Variants in CDK5RAP3 observed in about 807,000 individuals in gnomAD.
The protein encoded by CDK5RAP3 is CDK5 regulatory subunit associated protein 3, also known as CDK5 regulatory subunit-associated protein 3.
Under a neutral mutation model 73.3 loss-of-function variants are expected in CDK5RAP3, and 58 were observed. The ratio of observed to expected loss-of-function variants is 0.79; its 90% CI spans 0.64 to 0.98. The LOEUF (loss-of-function observed/expected upper bound fraction) is 0.98. Among genes scored for constraint, CDK5RAP3 ranks in the 50% least tolerant of loss-of-function variants. The probability of loss-of-function intolerance (pLI) is 0.00; values close to 1 mark genes in which losing one functional copy is unlikely to be tolerated. For synonymous variants in CDK5RAP3, 224 were observed against 247.5 expected (o/e 0.91, Z 0.89); for missense variants, 525 against 615.8 (o/e 0.85, Z 1.56).
chr17:47,975,973 C>T lies in CDK5RAP3; in HGVS notation c.758C>T (p.Pro253Leu), dbSNP rs1050645462. Reference protein sequence around the residue: ...TGTEPSVVERPHLEELPEQVA... With the variant: ...TGTEPSVVERLHLEELPEQVA... ...ACAGAGCCCTCTGTGGTGGAACGACCCCACCTCGAGGAGCTTCCTGAGCAG... is the reference window on the plus strand; with the variant it reads ...ACAGAGCCCTCTGTGGTGGAACGACTCCACCTCGAGGAGCTTCCTGAGCAG... The change falls in exon 8 of 14, where the codon CCC becomes CTC. Residue 253 changes from proline to leucine, a missense_variant. Pro to Leu is a moderately conservative substitution (Grantham distance 98). This residue lies in a region of CDK5RAP3 where 409 missense variants were observed against 429.8 expected (regional missense o/e 0.95). Transcript: ENST00000338399. The T allele has an allele frequency of 1.2e-6, 2 of 1,614,116 alleles. No individual in the cohort carries two copies. The highest frequency in any genetic ancestry group is 1.7e-6 in the Non-Finnish European group (2 of 1,180,032).
chr17:47,975,565 C>T lies in CDK5RAP3; in HGVS notation c.565C>T (p.Gln189Ter), dbSNP rs958306121. Reference sequence around the variant, plus strand: ...GGCCCTGGTGAAGGACCTGCCGAGTCAGCTGGCTGAGATTGGGGCAGCGGC... The same window carrying T: ...GGCCCTGGTGAAGGACCTGCCGAGTTAGCTGGCTGAGATTGGGGCAGCGGC... ...LLALVKDLPS[Q>*]LAEIGAAAQQ... Residue 189 changes from glutamine to a stop codon, truncating the protein, a stop_gained, in exon 7 of 14, where the codon CAG (glutamine) becomes TAG (stop). Coordinates refer to ENST00000338399, the MANE Select transcript of CDK5RAP3 (RefSeq NM_176096.3). LOFTEE classifies it high-confidence loss of function. The T allele has an allele frequency of 6.2e-7, 1 of 1,611,086 alleles. No homozygotes were observed. The highest frequency in any genetic ancestry group is 8.5e-7 in the Non-Finnish European group (1 of 1,180,018).
rs770664403 is a variant in CDK5RAP3, at chr17:47,974,532, C to T, written c.334+84C>T. ...TGAGATACCAGGCTTATAGGAGGCA[C>T]AGTCTGTGAGTGGGAAGAGACTGGA... On this transcript the variant is annotated intron_variant, in intron 5 of 13. Transcript: ENST00000338399. 4 of 1,608,462 alleles carry T rather than the reference C, an allele frequency of 2.5e-6. No individual in the cohort carries two copies. In the East Asian group the frequency reaches 8.9e-5, roughly 36 times the overall value.
In CDK5RAP3 at chr17:47,973,973, A is replaced by G. The variant is rs150789447; in HGVS notation, c.227A>G (p.Lys76Arg). Residue 76 changes from lysine to arginine, a missense_variant, in exon 4 of 14, where the codon AAA becomes AGA. This residue lies in a region of CDK5RAP3 where 409 missense variants were observed against 429.8 expected (regional missense o/e 0.95). Transcript: ENST00000338399. ...FHCLRILDLLKGTEASTKNIF... is the reference protein window; with the variant it reads ...FHCLRILDLLRGTEASTKNIF... Reference sequence around the variant, plus strand: ...TGCCTAAGAATCCTGGACCTTCTCAAAGGCACAGAGGCCTCCACGAAGAAT... The same window carrying G: ...TGCCTAAGAATCCTGGACCTTCTCAGAGGCACAGAGGCCTCCACGAAGAAT... 158 of 1,614,138 alleles carry G rather than the reference A, an allele frequency of 9.8e-5. No homozygotes were observed. The East Asian group carries it at 3.5e-3, about 36-fold the overall frequency.
chr17:47,971,186 G>T, intron 1 of CDK5RAP3, 34 bp downstream of exon 1: 1 of 1,538,334 alleles, frequency 6.5e-7, no homozygotes, highest in Non-Finnish European at 8.8e-7. Context: ...GCTGGGGACT[G>T]GCCGCGGACC....
Position 47,974,003 on chromosome 17 carries a change from T to C in CDK5RAP3, c.257T>C (p.Phe86Ser). The change falls in exon 4 of 14, where the codon TTT becomes TCT. Residue 86 changes from phenylalanine to serine, a missense_variant. Phe to Ser is a radical substitution (Grantham distance 155). Transcript: ENST00000338399. ...KGTEASTKNI[F>S]GRYSSQRMKD... Reference sequence around the variant, plus strand: ...ACAGAGGCCTCCACGAAGAATATTTTTGGCCGATACTCTTCACAGCGGATG... The same window carrying C: ...ACAGAGGCCTCCACGAAGAATATTTCTGGCCGATACTCTTCACAGCGGATG... 7 of 1,614,076 alleles carry C rather than the reference T, an allele frequency of 4.3e-6. No homozygotes were observed. Among genetic ancestry groups the C allele is most frequent in the Non-Finnish European group, 5.9e-6 (7 of 1,179,890 alleles).
At chr17:47,970,372 T>A (rs924528146), upstream of CDK5RAP3, among the ~76,000 whole-genome samples, 1 of 152,176 alleles carries the variant, frequency 6.6e-6, no homozygotes, top group African/African-American at 2.4e-5. Context: ...CATTTCCATT[T>A]TGCACTGGAC....
rs758183423 is a variant in CDK5RAP3 at position 47,973,518 on chromosome 17, G to A, written c.53-1G>A. Reference sequence around the variant, plus strand: ...CTCTAATTTGGGTGCTTCTCATGTAGATTGGCTGGTGGACAGAAGGCACTG... The same window carrying A: ...CTCTAATTTGGGTGCTTCTCATGTAAATTGGCTGGTGGACAGAAGGCACTG... On this transcript the variant is annotated splice_acceptor_variant, in intron 2 of 13. Transcript: ENST00000338399. LOFTEE classifies it high-confidence loss of function. The A allele has an allele frequency of 1.9e-6, 3 of 1,613,832 alleles. No homozygotes were observed. The South Asian group carries it at 3.3e-5, about 18-fold the overall frequency.
chr17:47,973,544 C>T lies in CDK5RAP3; in HGVS notation c.78C>T (p.Cys26=). 6.2e-7 allele frequency: 1 copy of T among 1,614,126 alleles called. No individual in the cohort carries two copies. Among genetic ancestry groups the T allele is most frequent in the Non-Finnish European group, 8.5e-7 (1 of 1,179,990 alleles). ...LLDWLVDRRH[C]SLKWQSLVLT... is the part of the protein sequence containing the mutation. ...ATTGGCTGGTGGACAGAAGGCACTG[C>T]AGCCTGAAATGGCAGAGTCTGGTGC... The change falls in exon 3 of 14, where the codon TGC becomes TGT. Residue 26 remains cysteine (C), a synonymous_variant. Transcript: ENST00000338399.
At position 47,981,692 on chromosome 17, in the gene CDK5RAP3, G is replaced by A; in HGVS notation, c.*190G>A. ...TCTCTACAAGAAGCTGTGGTGATTGGCCCTGTGGTCTATCAGGCGAAAACC... is the reference window on the plus strand; with the variant it reads ...TCTCTACAAGAAGCTGTGGTGATTGACCCTGTGGTCTATCAGGCGAAAACC... On this transcript the variant is annotated 3_prime_UTR_variant, in exon 14 of 14. Transcript: ENST00000338399. 6.5e-7 allele frequency: 1 copy of A among 1,535,404 alleles called. No homozygotes were observed. The highest frequency in any genetic ancestry group is 2.5e-5 in the East Asian group (1 of 40,780).
Position 47,981,298 on chromosome 17 carries a change from C to T in CDK5RAP3, c.1419C>T (p.Asp473=). 3.1e-6 allele frequency: 5 copies of T among 1,614,190 alleles called. No individual in the cohort carries two copies. The highest frequency in any genetic ancestry group is 4.2e-6 in the Non-Finnish European group (5 of 1,180,014). The part of the protein sequence containing the change: ...EEQAALEPKL[D]LLLEKTKELQ... ...AGGCGGCTCTGGAGCCTAAGCTGGA[C>T]CTGCTACTGGAGAAGACCAAGGAGC... The change falls in exon 13 of 14, where the codon GAC becomes GAT. Residue 473 remains aspartate, a synonymous_variant. Transcript: ENST00000338399.
At position 47,980,645 on chromosome 17, in the gene CDK5RAP3, T is replaced by C; in HGVS notation, c.1130T>C (p.Val377Ala). Residue 377 changes from valine to alanine, a missense_variant, in exon 12 of 14, where the codon GTC becomes GCC. By Grantham distance (64) the Val-to-Ala change is moderately conservative (BLOSUM62 0). Transcript: ENST00000338399. ...RAVELSEEAD[V>A]LSVSQFQLAP... is the part of the protein sequence containing the mutation. ...GTGGAGTTGAGTGAGGAGGCAGATG[T>C]CCTGTCTGTGAGCCAGTTCCAGCTG... 1 of 1,613,950 alleles carries C rather than the reference T, an allele frequency of 6.2e-7. No homozygotes were observed. Among genetic ancestry groups the C allele is most frequent in the Non-Finnish European group, 8.5e-7 (1 of 1,180,026 alleles).
At chr17:47,968,529 T>C (rs1258417700), upstream of CDK5RAP3, among the ~76,000 whole-genome samples, 4 of 143,072 alleles carry the variant, frequency 2.8e-5, no homozygotes, top group East Asian at 8.3e-4. Flanking sequence ...TGTTTTGTTT[T>C]GTTTTTGAGA....
At chr17:47,975,042 G>A (rs758414606) in intron 5 of CDK5RAP3, 117 bp from the exon 6 acceptor site, 1 of 1,605,224 alleles carries the variant, frequency 6.2e-7, no homozygotes, top group East Asian at 2.2e-5. Context: ...CTGGGAACAA[G>A]TGGGGCTGGG....
rs1019098045 is a variant in CDK5RAP3, at chr17:47,974,982, C to T, written c.335-177C>T. On this transcript the variant is annotated intron_variant, in intron 5 of 13. Coordinates refer to ENST00000338399, the MANE Select transcript of CDK5RAP3 (RefSeq NM_176096.3). ...ATAAATGTTATTGTCGCTGTTTTAC[C>T]GATGAGGGTTGGATTAGAGGGGTTA... 1.8e-5 allele frequency: 27 copies of T among 1,481,130 alleles called. 1 individual carries two copies. The highest frequency in any genetic ancestry group is 1.8e-4 in the Middle Eastern group (1 of 5,642). The allele number at this position is 1,481,130 out of a possible 1,614,324, so 91.7% of individuals were successfully genotyped here.
At chr17:47,972,209 G>A (rs1003685668) in intron 2 of CDK5RAP3, among the ~76,000 whole-genome samples, 3 of 152,110 alleles carry the variant, frequency 2.0e-5, no homozygotes, top group Non-Finnish European at 4.4e-5. Flanking sequence ...CCATCTCCAG[G>A]TTGTCTGTAT....
chr17:47,981,352 G>A lies in CDK5RAP3; in HGVS notation c.1455+18G>A. 1 of 1,613,860 alleles carries A rather than the reference G, an allele frequency of 6.2e-7. No individual in the cohort carries two copies. Among genetic ancestry groups the A allele is most frequent in the Non-Finnish European group, 8.5e-7 (1 of 1,179,722 alleles). The stretch of plus-strand genomic sequence containing the variant: ...AGAAGCTGGTGAGATGGGAAAGGGA[G>A]GCCTGCCAGTGGGAGGACTCCCAGT... On this transcript the variant is annotated intron_variant, in intron 13 of 13. Coordinates refer to ENST00000338399, the MANE Select transcript of CDK5RAP3 (RefSeq NM_176096.3).
Position 47,976,023 on chromosome 17 carries a change from G to T in CDK5RAP3, c.798+10G>T. ...GGTGGCAGAAGATGCGGTAAGATGG[G>T]CCTTGTGATGAGCTGTAGGAGTGGA... On this transcript the variant is annotated intron_variant, in intron 8 of 13. Coordinates refer to ENST00000338399, the MANE Select transcript of CDK5RAP3 (RefSeq NM_176096.3). 6.2e-7 allele frequency: 1 copy of T among 1,613,320 alleles called. No individual in the cohort carries two copies. The highest frequency in any genetic ancestry group is 1.1e-5 in the South Asian group (1 of 91,054).
In CDK5RAP3 at chr17:47,975,309, A is replaced by G; in HGVS notation, c.485A>G (p.Tyr162Cys). ...AGAAEMREQFYHSCKQYGITG... is the reference protein window; with the variant it reads ...AGAAEMREQFCHSCKQYGITG... ...GCTGCCGAGATGCGGGAGCAGTTCT[A>G]CCACTCCTGCAAGCAGTATGGCATC... Residue 162 changes from tyrosine to cysteine, a missense_variant, in exon 6 of 14, where the codon TAC becomes TGC. Physicochemically the swap from Tyr to Cys is radical, Grantham distance 194 (BLOSUM62 -2). Coordinates refer to ENST00000338399, the MANE Select transcript of CDK5RAP3 (RefSeq NM_176096.3). 1 of 1,614,110 alleles carries G rather than the reference A, an allele frequency of 6.2e-7. No homozygotes were observed. The highest frequency in any genetic ancestry group is 8.5e-7 in the Non-Finnish European group (1 of 1,180,006).
rs61758369 is a variant in CDK5RAP3 at position 47,981,246 on chromosome 17, A to G, written c.1367A>G (p.Gln456Arg). ...LLALKKELMV[Q>R]KQQEALEEQA... ...GCTTTGAAGAAAGAGCTGATGGTGC[A>G]GAAGCAGCAGGAGGCACTTGAGGAG... The change falls in exon 13 of 14, where the codon CAG (glutamine) becomes CGG (arginine). Residue 456 changes from glutamine (Q) to arginine (R), a missense_variant. Gln to Arg is a conservative substitution (Grantham distance 43). Transcript: ENST00000338399. 3.6e-3 allele frequency: 5,799 copies of G among 1,614,264 alleles called. 8 individuals are homozygous for G. The highest frequency in any genetic ancestry group is 4.2e-3 in the Non-Finnish European group (4,931 of 1,180,048).
Sources: allele counts gnomAD v4.1 joint callset (sites outside exome capture counted in the v4.1 genomes callset), GRCh38; gene constraint gnomAD v4.1.1; regional missense constraint gnomAD v4.1.1; transcripts MANE v1.5; gene names NCBI Gene and HGNC (gene_info 2026-07-23, HGNC 2026-07-21).